The following DENND1A variants were observed in gnomAD, a reference collection of about 807,000 sequenced individuals.
The protein encoded by DENND1A is DENN domain containing 1A, also known as DENN domain-containing protein 1A.
DENND1A carries 51 observed loss-of-function variants against 113.7 expected under a neutral mutation model. The ratio of observed to expected loss-of-function variants is 0.45; its 90% CI spans 0.36 to 0.57. The LOEUF is 0.57. DENND1A is among the 20% of genes least tolerant of loss of function. DENND1A has a pLI of 0.00. For synonymous variants in DENND1A, 565 were observed against 570.8 expected (o/e 0.99, Z 0.14); for missense variants, 1,258 against 1,395.9 (o/e 0.90, Z 1.57).
chr9:123,516,912 A>AAAAAAAAAAAAAAAAAAAAAC (rs2053972391), intron 13 of DENND1A, among the ~76,000 whole-genome samples: 1 of 116,212 alleles, frequency 8.6e-6, no homozygotes, highest in African/African-American at 2.9e-5. Flanking sequence ...AAAAAAAAAA[A>AAAAAAAAAAAAAAAAAAAAAC]AAAAAAAGAA....
intron 5 of DENND1A, among the ~76,000 whole-genome samples, chr9:123,700,620 A>C (rs901759729): frequency 6.6e-6 from 1 of 152,236 alleles, no homozygotes; most frequent in African/African-American, 2.4e-5. Flanking sequence ...TTCTGCTCTG[A>C]AGGCTTTAAA....
intron 11 of DENND1A, among the ~76,000 whole-genome samples, chr9:123,598,583 T>TTTTCA (rs2059805249): frequency 1.3e-5 from 2 of 152,174 alleles, no homozygotes; most frequent in Non-Finnish European, 2.9e-5. Context: ...TAAAATTGAC[T>TTTTCA]GTTTTCAGTT....
chr9:123,414,377 T>C (rs2131599940), intron 19 of DENND1A: 1 of 1,427,938 alleles, frequency 7.0e-7, no homozygotes, highest in South Asian at 1.5e-5. Context: ...CGCCTACATT[T>C]GTTTCCAGAG....
At position 123,646,824 on chromosome 9, in the gene DENND1A, T is replaced by C. The variant is rs555721435; in HGVS notation, c.618+5189A>G. ...GATAAATATTGCAGAATGAAGTAAG[T>C]TGGACAAGCAGAGTGACTGGCCTCA... On this transcript the variant is annotated intron_variant, in intron 9 of 23. Transcript: ENST00000394215. Among the ~76,000 whole-genome samples the C allele has an allele frequency of 3.0e-4, 46 of 152,140 alleles. No individual in the cohort carries two copies. The South Asian group carries it at 8.9e-3, about 30-fold the overall frequency.
In DENND1A at chr9:123,756,519, T is replaced by A. The variant is rs2070562532; in HGVS notation, c.302+1184A>T. Among the ~76,000 whole-genome samples the A allele has an allele frequency of 2.6e-5, 4 of 152,170 alleles. No homozygotes were observed. In the South Asian group the frequency reaches 8.3e-4, roughly 32 times the overall value. On this transcript the variant is annotated intron_variant, in intron 5 of 23. Transcript: ENST00000394215. ...ACACACAGAATCTCCCAAAGCAGCC[T>A]CCTTCCTAAAGCCTCCCCAGCAGTC... is the stretch of plus-strand genomic sequence containing the variant.
intron 21 of DENND1A, among the ~76,000 whole-genome samples, chr9:123,388,120 G>A (rs1016282367): frequency 2.0e-5 from 3 of 152,204 alleles, no homozygotes; most frequent in African/African-American, 7.2e-5. Context: ...CTCAAAGTTG[G>A]CAAAGAATCA....
At chr9:123,726,761 G>A (rs2067739221) in intron 5 of DENND1A, among the ~76,000 whole-genome samples, 1 of 152,122 alleles carries the variant, frequency 6.6e-6, no homozygotes, top group Non-Finnish European at 1.5e-5. Flanking sequence ...CCACAGAAGG[G>A]GTTCTGTGAA....
chr9:123,803,603 G>T (rs1190939786), intron 2 of DENND1A, among the ~76,000 whole-genome samples: 4 of 152,134 alleles, frequency 2.6e-5, no homozygotes, highest in African/African-American at 9.7e-5. Flanking sequence ...TTGTCCACTT[G>T]TGAAAGAGGA....
intron 18 of DENND1A, among the ~76,000 whole-genome samples, chr9:123,446,220 C>G (rs1288669367): frequency 6.6e-6 from 1 of 152,144 alleles, no homozygotes; most frequent in African/African-American, 2.4e-5. Context: ...AGACTCGTGC[C>G]GCACCCTTCT....
At chr9:123,815,992 ACTTT>A (rs1193391295) in intron 2 of DENND1A, among the ~76,000 whole-genome samples, 2 of 113,998 alleles carry the variant, frequency 1.8e-5, no homozygotes, top group Non-Finnish European at 3.7e-5. Flanking sequence ...AAGTGACTGT[ACTTT>A]TTTTTTTTTT....
chr9:123,877,651 T>G (rs941938599), intron 2 of DENND1A, among the ~76,000 whole-genome samples: 2 of 151,862 alleles, frequency 1.3e-5, no homozygotes, highest in Non-Finnish European at 2.9e-5. Context: ...TGGTGAAACC[T>G]GTCTTTACTA....
intron 11 of DENND1A, among the ~76,000 whole-genome samples, chr9:123,588,965 A>T (rs760786134): frequency 2.0e-5 from 3 of 151,784 alleles, no homozygotes; most frequent in Non-Finnish European, 4.4e-5. Flanking sequence ...ATGGGGTTTC[A>T]CCATGTTGGC....
intron 11 of DENND1A, among the ~76,000 whole-genome samples, chr9:123,584,784 G>A (rs1429150115): frequency 6.6e-6 from 1 of 152,050 alleles, no homozygotes; most frequent in Non-Finnish European, 1.5e-5. Context: ...CCTCCTCATC[G>A]TCAGACACCC....
chr9:123,395,823 G>A (rs565552135), intron 21 of DENND1A, among the ~76,000 whole-genome samples: 6 of 152,212 alleles, frequency 3.9e-5, no homozygotes, highest in Middle Eastern at 3.4e-3. Context: ...CCCCTACCCC[G>A]CCTCCCAGGT....
At chr9:123,398,592 T>G (rs2043258634) in intron 21 of DENND1A, among the ~76,000 whole-genome samples, 3 of 152,042 alleles carry the variant, frequency 2.0e-5, no homozygotes, top group Non-Finnish European at 1.5e-5. Context: ...TTAGCCAGGA[T>G]GGTCTTGATC....
intron 13 of DENND1A, among the ~76,000 whole-genome samples, chr9:123,484,953 G>T (rs2050669178): frequency 6.6e-6 from 1 of 152,202 alleles, no homozygotes; most frequent in African/African-American, 2.4e-5. Context: ...CATGGAGGTA[G>T]TAACATCTGC....
intron 2 of DENND1A, chr9:123,843,202 T>G: frequency 3.7e-6 from 2 of 545,884 alleles, no homozygotes; most frequent in South Asian, 2.8e-5. Context: ...GCTGTCAATC[T>G]AGTATTATAT....
At chr9:123,794,633 G>A (rs1443098215) in intron 2 of DENND1A, among the ~76,000 whole-genome samples, 1 of 152,108 alleles carries the variant, frequency 6.6e-6, no homozygotes, top group African/African-American at 2.4e-5. Flanking sequence ...TTTTGTGAAA[G>A]ACTATATGTC....
intron 9 of DENND1A, among the ~76,000 whole-genome samples, chr9:123,632,896 T>TATA (rs372172540): frequency 2.6e-5 from 4 of 151,490 alleles, no homozygotes; most frequent in South Asian, 4.2e-4. Flanking sequence ...AGGCACCTAT[T>TATA]ATAATAATAA....
Sources: gnomAD v4.1 joint callset for allele counts (sites outside exome capture counted in the v4.1 genomes callset) on GRCh38, gnomAD v4.1.1 for gene constraint, MANE v1.5 for transcripts, NCBI Gene and HGNC (gene_info 2026-07-23, HGNC 2026-07-21) for gene names.